The following MLLT11 variants were observed in gnomAD, a reference collection of about 807,000 sequenced individuals.
MLLT11 encodes MLLT11 transcription factor 7 cofactor, also known as protein AF1q.
A neutral mutation model predicts 5.3 loss-of-function variants in MLLT11; 1 was observed. That is an observed-to-expected ratio of 0.19 (90% CI 0.07 to 0.89). The LOEUF is 0.89. Ranked by LOEUF, MLLT11 falls within the 40% of genes least tolerant of loss-of-function variation. The probability of loss-of-function intolerance (pLI) is 0.67; values close to 1 mark genes in which losing one functional copy is unlikely to be tolerated. For synonymous variants in MLLT11, 38 were observed against 41.7 expected (o/e 0.91, Z 0.34); for missense variants, 87 against 107.3 (o/e 0.81, Z 0.83).
At position 151,069,049 on chromosome 1, in the gene MLLT11, C is replaced by G. The variant is rs587599073; in HGVS notation, c.*1552C>G. Among the ~76,000 whole-genome samples the G allele has an allele frequency of 3.6e-4, 55 of 152,216 alleles. No individual in the cohort carries two copies. The highest frequency in any genetic ancestry group is 1.2e-3 in the African/African-American group (51 of 41,528). On this transcript the variant is annotated 3_prime_UTR_variant, in exon 2 of 2. Coordinates refer to ENST00000368921, the MANE Select transcript of MLLT11 (RefSeq NM_006818.4). ...ACAGGTACAACCACTCTTCTGCTTG[C>G]CCACTGACTACCAACATTATATTTC...
chr1:151,068,484 A>G lies in MLLT11; in HGVS notation c.*987A>G, dbSNP rs1268290301. On this transcript the variant is annotated 3_prime_UTR_variant, in exon 2 of 2. Transcript: ENST00000368921. ...ATTTACTCGTTTATTTAATAAAGACATTCAATCCCAGGACTGGAGTCTAAT... is the reference window on the plus strand; with the variant it reads ...ATTTACTCGTTTATTTAATAAAGACGTTCAATCCCAGGACTGGAGTCTAAT... 11 of 213,394 alleles carry G rather than the reference A, an allele frequency of 5.2e-5. No individual in the cohort carries two copies. The East Asian group carries it at 8.6e-4, about 17-fold the overall frequency. The allele number at this position is 213,394 out of a possible 1,614,324, so 13.2% of individuals were successfully genotyped here.
In MLLT11 at chr1:151,060,526, G is replaced by C. The variant is rs951636018; in HGVS notation, c.-34G>C. ...TCCCGAGGCACTCCCTCCATCTTTG[G>C]AACACGCCAGTAATTGATTGATAAC... On this transcript the variant is annotated 5_prime_UTR_variant, in exon 1 of 2. Coordinates refer to ENST00000368921, the MANE Select transcript of MLLT11 (RefSeq NM_006818.4). 6.6e-6 allele frequency: 1 copy of C among 152,226 alleles called. No homozygotes were observed. Among genetic ancestry groups the C allele is most frequent in the Non-Finnish European group, 1.5e-5 (1 of 68,074 alleles). The allele number at this position is 152,226 out of a possible 1,614,324, so 9.4% of individuals were successfully genotyped here.
At chr1:151,066,341 G>A (rs1198002099) in intron 1 of MLLT11, among the ~76,000 whole-genome samples, 5 of 152,070 alleles carry the variant, frequency 3.3e-5, no homozygotes, top group East Asian at 3.9e-4. Flanking sequence ...GTTTCCCCAT[G>A]TTGGACAGGC....
intron 1 of MLLT11, among the ~76,000 whole-genome samples, chr1:151,060,816 A>G (rs1676394329): frequency 6.6e-6 from 1 of 152,152 alleles, no homozygotes; most frequent in African/African-American, 2.4e-5. Context: ...TGTCCTGTGT[A>G]TTTAATATCT....
chr1:151,067,067 G>A, intron 1 of MLLT11, 152 bp from the exon 2 acceptor site: 3 of 605,284 alleles, frequency 5.0e-6, no homozygotes, highest in Non-Finnish European at 8.2e-6. Flanking sequence ...TTACTGGTGG[G>A]ATTGGAGGAT....
Position 151,067,548 on chromosome 1 carries a change from A to C in MLLT11, c.*51A>C, listed in dbSNP as rs753498339. ...CTTGCCCTCATTGTCTTCCCTCTCAAGCCCCTTCCTTTCCACTCCTTTCCC... is the reference window on the plus strand; with the variant it reads ...CTTGCCCTCATTGTCTTCCCTCTCACGCCCCTTCCTTTCCACTCCTTTCCC... On this transcript the variant is annotated 3_prime_UTR_variant, in exon 2 of 2. Coordinates refer to ENST00000368921, the MANE Select transcript of MLLT11 (RefSeq NM_006818.4). 8 of 1,561,308 alleles carry C rather than the reference A, an allele frequency of 5.1e-6. 1 individual carries two copies. The African/African-American group carries it at 9.5e-5, about 19-fold the overall frequency.
chr1:151,067,529 C>T lies in MLLT11; in HGVS notation c.*32C>T. 1 of 1,598,374 alleles carries T rather than the reference C, an allele frequency of 6.3e-7. No individual in the cohort carries two copies. Among genetic ancestry groups the T allele is most frequent in the Non-Finnish European group, 8.5e-7 (1 of 1,169,642 alleles). On this transcript the variant is annotated 3_prime_UTR_variant, in exon 2 of 2. Coordinates refer to ENST00000368921, the MANE Select transcript of MLLT11 (RefSeq NM_006818.4). Reference sequence around the variant, plus strand: ...GACTTCTCTCTCCCATCACCTTGCCCTCATTGTCTTCCCTCTCAAGCCCCT... The same window carrying T: ...GACTTCTCTCTCCCATCACCTTGCCTTCATTGTCTTCCCTCTCAAGCCCCT...
intron 1 of MLLT11, among the ~76,000 whole-genome samples, chr1:151,063,426 T>TTTATTA (rs587714955): frequency 6.6e-6 from 1 of 151,858 alleles, no homozygotes; most frequent in Non-Finnish European, 1.5e-5. Context: ...TTTTTATTTA[T>TTTATTA]TTATTATTAT....
chr1:151,066,932 GA>G (rs34007069), intron 1 of MLLT11, among the ~76,000 whole-genome samples: 100,359 of 142,470 alleles, frequency 0.7, 35,798 homozygotes, highest in East Asian at 0.88. Flanking sequence ...CTCATTGAGA[GA>G]AAAAAAAAAA....
At chr1:151,066,650 C>T (rs1048591180) in intron 1 of MLLT11, among the ~76,000 whole-genome samples, 2 of 152,094 alleles carry the variant, frequency 1.3e-5, no homozygotes, top group Non-Finnish European at 2.9e-5. Context: ...TTCGGCCGGG[C>T]GCGGTGGCTC....
In MLLT11 at chr1:151,069,491, A is replaced by G. The variant is rs889483063; in HGVS notation, c.*1994A>G. ...CCTTCAGAGTCCTTCAGCCATGGCA[A>G]TTGGTGGGTGGAGACAGGGATCAAC... On this transcript the variant is annotated 3_prime_UTR_variant, in exon 2 of 2. Coordinates refer to ENST00000368921, the MANE Select transcript of MLLT11 (RefSeq NM_006818.4). Among the ~76,000 whole-genome samples, 6 of 152,278 alleles carry G rather than the reference A, an allele frequency of 3.9e-5. No homozygotes were observed. Among genetic ancestry groups the G allele is most frequent in the African/African-American group, 1.2e-4 (5 of 41,562 alleles).
In MLLT11 at chr1:151,064,607, T is replaced by C. The variant is rs184979365; in HGVS notation, c.-6-2612T>C. 1.0e-3 allele frequency among the ~76,000 whole-genome samples: 159 copies of C among 152,278 alleles called. 7 individuals carry two copies. The highest frequency in any genetic ancestry group is 0.01 in the Admixed American group (158 of 15,288). On this transcript the variant is annotated intron_variant, in intron 1 of 1. Coordinates refer to ENST00000368921, the MANE Select transcript of MLLT11 (RefSeq NM_006818.4). ...AGTGGAACTGGTGAGGGAATGCTAA[T>C]AGGAAAATCCAAGCTCTGACTGAGG... is the stretch of plus-strand genomic sequence containing the variant.
chr1:151,062,061 T>C (rs985610281), intron 1 of MLLT11, among the ~76,000 whole-genome samples: 2 of 151,944 alleles, frequency 1.3e-5, no homozygotes, highest in African/African-American at 4.8e-5. Context: ...TTTTTTTTTC[T>C]CAGATTCTAG....
chr1:151,060,492 C>A lies in MLLT11; in HGVS notation c.-68C>A, dbSNP rs1208577615. ...TTGTATTTCTCCAGCCCGGCGCAGA[C>A]CCCGGAGCTCCCGAGGCACTCCCTC... On this transcript the variant is annotated 5_prime_UTR_variant, in exon 1 of 2. Transcript: ENST00000368921. 1 of 152,230 alleles carries A rather than the reference C, an allele frequency of 6.6e-6. No individual in the cohort carries two copies. The highest frequency in any genetic ancestry group is 1.9e-4 in the East Asian group (1 of 5,190). 9.4% of individuals were successfully genotyped at this position (152,230 alleles called of 1,614,324 possible). A position where few individuals can be genotyped will look rare whatever the true frequency, so the allele number is the denominator to read the frequency against.
chr1:151,062,145 C>G (rs1676415584), intron 1 of MLLT11, among the ~76,000 whole-genome samples: 1 of 151,710 alleles, frequency 6.6e-6, no homozygotes, highest in Admixed American at 6.6e-5. Context: ...CACGGAAAAT[C>G]TATTCTTCAG....
chr1:151,064,001 G>A (rs779525933), intron 1 of MLLT11, among the ~76,000 whole-genome samples: 6 of 90,656 alleles, frequency 6.6e-5, no homozygotes, highest in Non-Finnish European at 9.5e-5. Context: ...TACAGCATAG[G>A]AAAGTTATTT....
Position 151,068,297 on chromosome 1 carries a change from A to G in MLLT11, c.*800A>G, listed in dbSNP as rs756108532. 6.2e-5 allele frequency: 14 copies of G among 227,208 alleles called. No individual in the cohort carries two copies. Among genetic ancestry groups the G allele is most frequent in the South Asian group, 1.9e-4 (1 of 5,366 alleles). 14.1% of individuals were successfully genotyped at this position (227,208 alleles called of 1,614,324 possible). A position where few individuals can be genotyped will look rare whatever the true frequency, so the allele number is the denominator to read the frequency against. The stretch of plus-strand genomic sequence containing the variant: ...GTTTCAATTCAATCTTCTGAACGGC[A>G]TAAGTCCTATTTTAGCCTTACCTCC... On this transcript the variant is annotated 3_prime_UTR_variant, in exon 2 of 2. Coordinates refer to ENST00000368921, the MANE Select transcript of MLLT11 (RefSeq NM_006818.4).
In MLLT11 at chr1:151,068,374, T is replaced by C. The variant is rs1448646111; in HGVS notation, c.*877T>C. On this transcript the variant is annotated 3_prime_UTR_variant, in exon 2 of 2. Transcript: ENST00000368921. ...AGTGGGCACAGTTCTTCAGCTACAT[T>C]GAGACCCTGAAATGAACAATTATAT... is the stretch of plus-strand genomic sequence containing the variant. 2 of 225,070 alleles carry C rather than the reference T, an allele frequency of 8.9e-6. No homozygotes were observed. The highest frequency in any genetic ancestry group is 1.9e-5 in the Non-Finnish European group (2 of 103,548). 13.9% of individuals were successfully genotyped at this position (225,070 alleles called of 1,614,324 possible).
chr1:151,061,024 T>C (rs1676398864), intron 1 of MLLT11, among the ~76,000 whole-genome samples: 1 of 152,204 alleles, frequency 6.6e-6, no homozygotes, highest in Admixed American at 6.5e-5. Context: ...TTTCTTTGGA[T>C]AATCTCTTTC....
Sources: allele counts gnomAD v4.1 joint callset (sites outside exome capture counted in the v4.1 genomes callset), GRCh38; gene constraint gnomAD v4.1.1; transcripts MANE v1.5; gene names NCBI Gene and HGNC (gene_info 2026-07-23, HGNC 2026-07-21).